The following WDFY4 variants were observed in gnomAD, a reference collection of about 807,000 sequenced individuals.
WDFY4 encodes the protein WD repeat- and FYVE domain-containing protein 4.
WDFY4 carries 169 observed loss-of-function variants against 351.9 expected under a neutral mutation model. That is an observed-to-expected ratio of 0.48 (90% confidence interval 0.42 to 0.55). The LOEUF (loss-of-function observed/expected upper bound fraction) is 0.55, where lower values mean the gene tolerates loss of function less well. Among genes scored for constraint, WDFY4 ranks in the 20% least tolerant of loss-of-function variants. The pLI is 0.00. For synonymous variants in WDFY4, 1,622 were observed against 1,574.6 expected (o/e 1.03, Z -0.71); for missense variants, 3,803 against 3,935.6 (o/e 0.97, Z 0.90).
intron 39 of WDFY4, among the ~76,000 whole-genome samples, chr10:48,861,859 G>T (rs1423310203): frequency 6.6e-6 from 1 of 152,036 alleles, no homozygotes; most frequent in Non-Finnish European, 1.5e-5. Context: ...AGTCCTATAG[G>T]TAGCTAAGAC....
Position 48,966,581 on chromosome 10 carries a change from A to G in WDFY4, c.8492A>G (p.Lys2831Arg). 6.4e-7 allele frequency: 1 copy of G among 1,552,104 alleles called. No individual in the cohort carries two copies. The change falls in exon 55 of 62, where the codon AAG becomes AGG. Residue 2831 changes from lysine (K) to arginine (R), a missense_variant. Lys to Arg is a conservative substitution (Grantham distance 26, BLOSUM62 2). Coordinates refer to ENST00000325239, the MANE Select transcript of WDFY4 (RefSeq NM_001394531.1). ...GCAGCAGGGAAGCCTCTGCCTGGAA[A>G]GGATGTCTCCACCCCCGTGAGCCTG... is the stretch of plus-strand genomic sequence containing the variant. The part of the protein sequence containing the change: ...RTAAGKPLPG[K>R]DVSTPVSLPG...
chr10:48,813,902 C>T lies in WDFY4; in HGVS notation c.5215-55C>T, dbSNP rs185677301. On this transcript the variant is annotated intron_variant, in intron 30 of 61. Transcript: ENST00000325239. ...AACATGATGAACTGGCTGCAAAGCT[C>T]GTTCTCTTGGTGAGTAGCCGCAGGT... 76 of 1,434,974 alleles carry T rather than the reference C, an allele frequency of 5.3e-5. No homozygotes were observed. In the African/African-American group the frequency reaches 7.8e-4, roughly 15 times the overall value. 88.9% of individuals were successfully genotyped at this position (1,434,974 alleles called of 1,614,324 possible).
intron 43 of WDFY4, among the ~76,000 whole-genome samples, chr10:48,877,809 G>T (rs1485671941): frequency 6.6e-6 from 1 of 152,188 alleles, no homozygotes; most frequent in African/African-American, 2.4e-5. Context: ...CCTGGAGCTG[G>T]GTTGGCGGAG....
At chr10:48,712,141 T>A (rs890883150) in intron 2 of WDFY4, among the ~76,000 whole-genome samples, 6 of 152,236 alleles carry the variant, frequency 3.9e-5, no homozygotes, top group African/African-American at 1.4e-4. Context: ...GTCAAACAGA[T>A]CAAGGCTCAA....
At chr10:48,758,199 A>G (rs185649327) in intron 12 of WDFY4, among the ~76,000 whole-genome samples, 9 of 152,276 alleles carry the variant, frequency 5.9e-5, no homozygotes, top group African/African-American at 2.2e-4. Flanking sequence ...GCATGTGGAT[A>G]TGGAATTCTG....
At chr10:48,918,854 C>T (rs2663058) in intron 47 of WDFY4, among the ~76,000 whole-genome samples, 51,059 of 152,040 alleles carry the variant, frequency 0.34, 9,080 homozygotes, top group Non-Finnish European at 0.39. Context: ...CCAATAGCTG[C>T]CCACTAGTTG....
At chr10:48,970,083 T>C (rs41283301) in intron 56 of WDFY4, 48 bp from the exon 57 acceptor site, 23,162 of 1,539,938 alleles carry the variant, frequency 0.015, 260 homozygotes, top group Admixed American at 0.044. Context: ...CCTGGGCTCC[T>C]GTCCCTGCTG....
At chr10:48,928,696 G>A (rs1839795356) in intron 47 of WDFY4, among the ~76,000 whole-genome samples, 2 of 152,196 alleles carry the variant, frequency 1.3e-5, no homozygotes, top group Non-Finnish European at 2.9e-5. Context: ...AGGGCCCACT[G>A]GCGACAGCCC....
intron 60 of WDFY4, chr10:48,979,744 A>G (rs1035588479): frequency 2.0e-5 from 3 of 152,194 alleles, no homozygotes; most frequent in Admixed American, 1.3e-4. Flanking sequence ...TTCAGCATCA[A>G]TGGTTGTGGT....
chr10:48,684,907 G>C lies in WDFY4; in HGVS notation c.-112G>C, dbSNP rs897582315. The C allele has an allele frequency of 6.6e-6, 1 of 152,408 alleles. No homozygotes were observed. The highest frequency in any genetic ancestry group is 2.4e-5 in the African/African-American group (1 of 41,480). 9.4% of individuals were successfully genotyped at this position (152,408 alleles called of 1,614,324 possible). A position where few individuals can be genotyped will look rare whatever the true frequency, so the allele number is the denominator to read the frequency against. Reference sequence around the variant, plus strand: ...CGGCGCTGAGGACTGACGATGTGGGGCCGGGTCCTCTTCCCCCGAGCCTGA... The same window carrying C: ...CGGCGCTGAGGACTGACGATGTGGGCCCGGGTCCTCTTCCCCCGAGCCTGA... On this transcript the variant is annotated 5_prime_UTR_variant, in exon 1 of 62. Transcript: ENST00000325239.
chr10:48,750,299 C>T (rs1412317138), intron 12 of WDFY4, among the ~76,000 whole-genome samples: 1 of 152,236 alleles, frequency 6.6e-6, no homozygotes, highest in East Asian at 1.9e-4. Flanking sequence ...CACTTGGAAG[C>T]CTCCAGTGCT....
intron 2 of WDFY4, among the ~76,000 whole-genome samples, chr10:48,714,044 A>G (rs1010806339): frequency 2.0e-5 from 3 of 152,244 alleles, no homozygotes; most frequent in African/African-American, 7.2e-5. Context: ...CAGTGTTTAC[A>G]TGTCCTCACA....
intron 1 of WDFY4, among the ~76,000 whole-genome samples, chr10:48,701,007 C>T (rs2063465747): frequency 6.6e-6 from 1 of 152,158 alleles, no homozygotes; most frequent in South Asian, 2.1e-4. Context: ...GTTGTACAAC[C>T]ATCAGCACTA....
intron 39 of WDFY4, among the ~76,000 whole-genome samples, chr10:48,842,853 A>G (rs2068655871): frequency 6.6e-6 from 1 of 152,224 alleles, no homozygotes; most frequent in South Asian, 2.1e-4. Context: ...ACTGTCGCTG[A>G]AGGAGGAGTC....
rs966740587 is a variant in WDFY4 at position 48,848,508 on chromosome 10, G to C, written c.6663+15799G>C. On this transcript the variant is annotated intron_variant, in intron 39 of 61. Coordinates refer to ENST00000325239, the MANE Select transcript of WDFY4 (RefSeq NM_001394531.1). The stretch of plus-strand genomic sequence containing the variant: ...GCCCACCCTGACCCTGCTCCTCGTA[G>C]GTGGCGTCAGCAGGTCATGCTGGGT... 1.1e-4 allele frequency among the ~76,000 whole-genome samples: 16 copies of C among 152,320 alleles called. No individual in the cohort carries two copies. In the South Asian group the frequency reaches 2.3e-3, roughly 22 times the overall value.
At chr10:48,919,898 A>G (rs886409781) in intron 47 of WDFY4, among the ~76,000 whole-genome samples, 1 of 152,212 alleles carries the variant, frequency 6.6e-6, no homozygotes, top group African/African-American at 2.4e-5. Context: ...GTGATTCTCA[A>G]CGTATTTTCT....
intron 47 of WDFY4, among the ~76,000 whole-genome samples, chr10:48,934,773 G>C (rs1008177028): frequency 6.6e-6 from 1 of 152,180 alleles, no homozygotes; most frequent in Non-Finnish European, 1.5e-5. Context: ...GTGACTGGTC[G>C]GGTGAAAGCA....
chr10:48,871,163 C>T (rs1156478970), intron 40 of WDFY4, among the ~76,000 whole-genome samples: 2 of 152,110 alleles, frequency 1.3e-5, no homozygotes, highest in African/African-American at 4.8e-5. Context: ...TCTCGATCTC[C>T]TGACCTCGTG....
At position 48,914,498 on chromosome 10, in the gene WDFY4, CT is replaced by C. The variant is rs1400543155; in HGVS notation, c.7586+12637del. On this transcript the variant is annotated intron_variant, in intron 47 of 61. Transcript: ENST00000325239. ...TCCCTCTAGCTGTGCCATGCCCCGACTTATAAATACTCTCCACTGTCCCAGA... is the reference window on the plus strand; with the variant it reads ...TCCCTCTAGCTGTGCCATGCCCCGACTATAAATACTCTCCACTGTCCCAGA... Among the ~76,000 whole-genome samples the C allele has an allele frequency of 9.8e-5, 15 of 152,308 alleles. No homozygotes were observed. The East Asian group carries it at 2.9e-3, about 29-fold the overall frequency.
Sources: gnomAD v4.1 joint callset for allele counts (sites outside exome capture counted in the v4.1 genomes callset) on GRCh38, gnomAD v4.1.1 for gene constraint, MANE v1.5 for transcripts, NCBI Gene and HGNC (gene_info 2026-07-23, HGNC 2026-07-21) for gene names.